Variants in KCNIP4 observed in about 807,000 individuals in gnomAD.
The protein encoded by KCNIP4 is potassium voltage-gated channel interacting protein 4.
KCNIP4 carries 12 observed loss-of-function variants against 34.0 expected under a neutral mutation model. The observed-to-expected ratio is 0.35, with a 90% CI of 0.23 to 0.57. The LOEUF (loss-of-function observed/expected upper bound fraction) is 0.57. KCNIP4 is among the 20% of genes least tolerant of loss of function. The probability of loss-of-function intolerance (pLI) is 0.83; values close to 1 mark genes in which losing one functional copy is unlikely to be tolerated. For synonymous variants in KCNIP4, 124 were observed against 102.2 expected (o/e 1.21, Z -1.29); for missense variants, 238 against 311.7 (o/e 0.76, Z 1.78).
chr4:21,771,750 A>T (rs1455302140), intron 1 of KCNIP4, among the ~76,000 whole-genome samples: 1 of 152,136 alleles, frequency 6.6e-6, no homozygotes, highest in Non-Finnish European at 1.5e-5. Flanking sequence ...GTGTAAAGGA[A>T]TGCTTGTGAT....
intron 1 of KCNIP4, among the ~76,000 whole-genome samples, chr4:20,902,463 G>A (rs1319492175): frequency 6.6e-6 from 1 of 152,094 alleles, no homozygotes; most frequent in East Asian, 1.9e-4. Context: ...AGCCAGCAAG[G>A]TATTAGGTTG....
At chr4:21,292,517 G>A (rs930614314) in intron 1 of KCNIP4, among the ~76,000 whole-genome samples, 27 of 152,198 alleles carry the variant, frequency 1.8e-4, no homozygotes, top group African/African-American at 6.5e-4. Flanking sequence ...TCTAAGTCAG[G>A]AAGAGTGTTC....
intron 5 of KCNIP4, among the ~76,000 whole-genome samples, chr4:20,740,344 C>A (rs1750763072): frequency 6.6e-6 from 1 of 152,050 alleles, no homozygotes; most frequent in Admixed American, 6.5e-5. Flanking sequence ...GTCGGGTTAC[C>A]CACAAAGGGA....
intron 1 of KCNIP4, among the ~76,000 whole-genome samples, chr4:21,065,767 A>G (rs377384033): frequency 2.1e-5 from 2 of 96,244 alleles, no homozygotes; most frequent in East Asian, 2.9e-4. Context: ...TATATATATA[A>G]CTCAATTTTA....
At chr4:21,157,021 A>T (rs1340034188) in intron 1 of KCNIP4, among the ~76,000 whole-genome samples, 4 of 152,170 alleles carry the variant, frequency 2.6e-5, no homozygotes, top group Admixed American at 2.6e-4. Flanking sequence ...CTTAGGGGAA[A>T]GTATGAAGGC....
chr4:21,046,394 C>T (rs192447671), intron 1 of KCNIP4, among the ~76,000 whole-genome samples: 11 of 152,166 alleles, frequency 7.2e-5, no homozygotes, highest in South Asian at 4.1e-4. Context: ...TCCTTTTCTC[C>T]GCCCAATTTT....
At chr4:21,524,615 T>G (rs1226337718) in intron 1 of KCNIP4, among the ~76,000 whole-genome samples, 2 of 152,142 alleles carry the variant, frequency 1.3e-5, no homozygotes, top group Non-Finnish European at 2.9e-5. Context: ...TCTTTAGGTT[T>G]CATTTTAAAT....
At chr4:21,305,927 T>C (rs1399767757) in intron 1 of KCNIP4, among the ~76,000 whole-genome samples, 2 of 152,224 alleles carry the variant, frequency 1.3e-5, no homozygotes, top group African/African-American at 4.8e-5. Context: ...GATAGCCATA[T>C]GGGTATACAT....
chr4:21,882,181 A>G (rs2109386433), intron 1 of KCNIP4, among the ~76,000 whole-genome samples: 1 of 152,280 alleles, frequency 6.6e-6, no homozygotes, highest in East Asian at 1.9e-4. Flanking sequence ...ATCAAAGAGT[A>G]AGATTCATAA....
At chr4:21,355,032 C>T (rs780284639) in intron 1 of KCNIP4, among the ~76,000 whole-genome samples, 5 of 152,170 alleles carry the variant, frequency 3.3e-5, no homozygotes, top group Non-Finnish European at 4.4e-5. Flanking sequence ...ACTGAACAAC[C>T]TGCTCCTGAA....
At chr4:21,351,940 G>A (rs1283590725) in intron 1 of KCNIP4, among the ~76,000 whole-genome samples, 1 of 152,138 alleles carries the variant, frequency 6.6e-6, no homozygotes, top group East Asian at 1.9e-4. Flanking sequence ...TAATGATAGT[G>A]ATTTTCATTT....
intron 3 of KCNIP4, among the ~76,000 whole-genome samples, chr4:20,788,808 A>G (rs1255153794): frequency 1.3e-5 from 2 of 152,130 alleles, no homozygotes; most frequent in Non-Finnish European, 2.9e-5. Context: ...AAAATGGAAA[A>G]TTACACCTTC....
chr4:21,698,114 A>C (rs995417325), intron 1 of KCNIP4, among the ~76,000 whole-genome samples: 1 of 152,220 alleles, frequency 6.6e-6, no homozygotes, highest in Non-Finnish European at 1.5e-5. Context: ...GATTCTAAAC[A>C]GACTTGACGA....
intron 1 of KCNIP4, among the ~76,000 whole-genome samples, chr4:21,088,118 T>C (rs944988055): frequency 3.1e-5 from 4 of 129,130 alleles, no homozygotes; most frequent in African/African-American, 1.5e-4. Context: ...ATCTGAAATG[T>C]TGGCCCCCTT....
chr4:21,330,148 T>G (rs1715484229), intron 1 of KCNIP4, among the ~76,000 whole-genome samples: 2 of 152,188 alleles, frequency 1.3e-5, no homozygotes, highest in Non-Finnish European at 2.9e-5. Context: ...TGCAGTAGTG[T>G]TCAAAAGCAA....
intron 1 of KCNIP4, among the ~76,000 whole-genome samples, chr4:21,615,197 G>GA (rs1187982255): frequency 6.6e-6 from 1 of 151,638 alleles, no homozygotes; most frequent in East Asian, 1.9e-4. Flanking sequence ...AAGGAAAAAA[G>GA]AAAAAAATAA....
chr4:21,311,404 G>C (rs756889508), intron 1 of KCNIP4, among the ~76,000 whole-genome samples: 1 of 152,114 alleles, frequency 6.6e-6, no homozygotes, highest in Non-Finnish European at 1.5e-5. Flanking sequence ...TTTTTAAATT[G>C]TTCTTCTTAA....
chr4:21,462,498 T>A (rs1440417300), intron 1 of KCNIP4, among the ~76,000 whole-genome samples: 1 of 151,986 alleles, frequency 6.6e-6, no homozygotes, highest in Non-Finnish European at 1.5e-5. Flanking sequence ...ACCTGGTCCC[T>A]CCCACAACAC....
chr4:21,281,792 C>T (rs1762791973), intron 1 of KCNIP4, among the ~76,000 whole-genome samples: 1 of 152,148 alleles, frequency 6.6e-6, no homozygotes, highest in Admixed American at 6.5e-5. Context: ...TTAAGTGAAA[C>T]ACTCTGAAAT....
Sources: allele counts gnomAD v4.1 joint callset (sites outside exome capture counted in the v4.1 genomes callset), GRCh38; gene constraint gnomAD v4.1.1; transcripts MANE v1.5; gene names NCBI Gene and HGNC (gene_info 2026-07-23, HGNC 2026-07-21).